Variants in NAALADL2 observed in about 807,000 individuals in gnomAD.
NAALADL2 encodes the protein inactive N-acetylated-alpha-linked acidic dipeptidase-like protein 2.
A neutral mutation model predicts 87.2 loss-of-function variants in NAALADL2; 76 were observed. The ratio of observed to expected loss-of-function variants is 0.87; its 90% CI spans 0.72 to 1.05. The LOEUF is 1.05. NAALADL2 is among the 50% of genes least tolerant of loss of function. NAALADL2 has a pLI of 0.00. For missense variants in NAALADL2, 1,089 were observed against 945.8 expected (o/e 1.15, Z -1.99); for synonymous variants, 354 against 331.0 (o/e 1.07, Z -0.75).
At chr3:175,409,253 G>C (rs1713005407) in intron 5 of NAALADL2, among the ~76,000 whole-genome samples, 1 of 150,798 alleles carries the variant, frequency 6.6e-6, no homozygotes. Flanking sequence ...AAAGTCATTA[G>C]AGATTCTCTT....
At chr3:175,111,405 T>A (rs2108497289) in intron 2 of NAALADL2, among the ~76,000 whole-genome samples, 1 of 151,710 alleles carries the variant, frequency 6.6e-6, no homozygotes, top group Non-Finnish European at 1.5e-5. Context: ...TTAATATAAC[T>A]CTGTCATAGG....
chr3:174,985,723 C>G (rs1161782409), intron 1 of NAALADL2, among the ~76,000 whole-genome samples: 1 of 152,050 alleles, frequency 6.6e-6, no homozygotes, highest in African/African-American at 2.4e-5. Flanking sequence ...GAGTCTGAGG[C>G]GGGATGGTCA....
chr3:175,076,284 A>G (rs1168774682), intron 1 of NAALADL2, among the ~76,000 whole-genome samples: 1 of 150,586 alleles, frequency 6.6e-6, no homozygotes, highest in Non-Finnish European at 1.5e-5. Context: ...TGTGAAAGAC[A>G]TGTTGGGTCT....
Position 175,576,107 on chromosome 3 carries a change from C to T in NAALADL2, c.1720C>T (p.Gln574Ter), listed in dbSNP as rs1211948928. ...AACCAATATCAGTTCTATACAGATA[C>T]AAGGTGATGCTGATTATTTCATCAA... ...PETNISSIQI[Q>*]GDADYFINHL... The change falls in exon 10 of 14, where the codon CAA (glutamine) becomes TAA (stop). Residue 574 changes from glutamine (Q) to a stop codon, truncating the protein, a stop_gained. Transcript: ENST00000454872. LOFTEE classifies it high-confidence loss of function. The T allele has an allele frequency of 6.2e-7, 1 of 1,612,774 alleles. No individual in the cohort carries two copies. Among genetic ancestry groups the T allele is most frequent in the Admixed American group, 1.7e-5 (1 of 60,008 alleles).
intron 1 of NAALADL2, among the ~76,000 whole-genome samples, chr3:174,993,788 C>T (rs1322282212): frequency 6.6e-6 from 1 of 152,142 alleles, no homozygotes; most frequent in African/African-American, 2.4e-5. Flanking sequence ...CTGTCACAGT[C>T]CTTCAGGATA....
chr3:174,886,460 C>A (rs147019722), intron 1 of NAALADL2, among the ~76,000 whole-genome samples: 1 of 152,270 alleles, frequency 6.6e-6, no homozygotes, highest in African/African-American at 2.4e-5. Context: ...CAGACACACC[C>A]ATGAACAATA....
chr3:175,743,231 C>T (rs1745486679), intron 12 of NAALADL2, among the ~76,000 whole-genome samples: 1 of 151,758 alleles, frequency 6.6e-6, no homozygotes, highest in Non-Finnish European at 1.5e-5. Context: ...GAACTCCTGA[C>T]CTTAGGTGAT....
At chr3:175,021,223 C>A (rs960547075) in intron 1 of NAALADL2, among the ~76,000 whole-genome samples, 6 of 152,028 alleles carry the variant, frequency 3.9e-5, no homozygotes, top group African/African-American at 1.4e-4. Flanking sequence ...TTTGTCCATT[C>A]ATTTCTTGTC....
In NAALADL2 at chr3:174,581,476, A is replaced by G. The variant is rs531219920; in HGVS notation, c.-115+30839A>G. Among the ~76,000 whole-genome samples the G allele has an allele frequency of 1.2e-4, 19 of 152,302 alleles. No individual in the cohort carries two copies. In the East Asian group the frequency reaches 3.7e-3, roughly 29 times the overall value. On this transcript the variant is annotated intron_variant, in intron 2 of 3. Transcript: ENST00000434257. ...GTTCAAGAGCATGCCATTTTCTAAA[A>G]AAAAGTGCAAGCAACTTATTATCAC...
intron 2 of NAALADL2, among the ~76,000 whole-genome samples, chr3:175,208,806 T>C (rs1741344121): frequency 6.6e-6 from 1 of 152,186 alleles, no homozygotes; most frequent in South Asian, 2.1e-4. Context: ...TAATATTATT[T>C]AAAGAATAAC....
At chr3:174,559,150 C>T (rs1023435233) in intron 2 of NAALADL2, among the ~76,000 whole-genome samples, 6 of 152,066 alleles carry the variant, frequency 3.9e-5, no homozygotes, top group Non-Finnish European at 7.4e-5. Context: ...GTGTATTTCA[C>T]GGTGAGCAGG....
chr3:174,818,725 T>C (rs1253820673), intron 3 of NAALADL2, among the ~76,000 whole-genome samples: 1 of 152,120 alleles, frequency 6.6e-6, no homozygotes, highest in Non-Finnish European at 1.5e-5. Flanking sequence ...GAAATTCCCA[T>C]TGATAGTGCA....
At chr3:175,769,738 GTCTGTGTGTATGTC>G (rs1055535192) in intron 13 of NAALADL2, among the ~76,000 whole-genome samples, 1 of 151,700 alleles carries the variant, frequency 6.6e-6, no homozygotes. Flanking sequence ...GTGTGTGTGT[GTCTGTGTGTATGTC>G]TCTGTGTGTG....
At chr3:175,178,547 C>T (rs1316567658) in intron 2 of NAALADL2, among the ~76,000 whole-genome samples, 1 of 151,994 alleles carries the variant, frequency 6.6e-6, no homozygotes, top group African/African-American at 2.4e-5. Context: ...ACAGCCAGGA[C>T]ACTCACAAGA....
upstream of NAALADL2, among the ~76,000 whole-genome samples, chr3:174,858,212 A>G (rs1227014078): frequency 6.7e-6 from 1 of 148,624 alleles, no homozygotes; most frequent in Non-Finnish European, 1.5e-5. Flanking sequence ...ATATATGAAT[A>G]TGAATATATA....
Position 175,097,068 on chromosome 3 carries a change from AC to A in NAALADL2, c.325del (p.His109IlefsTer18), listed in dbSNP as rs1471887949. 5 of 1,613,620 alleles carry A rather than the reference AC, an allele frequency of 3.1e-6. No individual in the cohort carries two copies. The Admixed American group carries it at 6.7e-5, about 22-fold the overall frequency. On this transcript the variant is annotated frameshift_variant, in exon 2 of 14. Coordinates refer to ENST00000454872, the MANE Select transcript of NAALADL2 (RefSeq NM_207015.3). LOFTEE classifies it high-confidence loss of function. The stretch of plus-strand genomic sequence containing the variant: ...ACTTCAAGAAGAATCTGACTACATT[AC>A]CCATTATACACGATCTGCACCAAAG... ...QRLQEESDYI[T>X]HYTRSAPKSN... is the part of the protein sequence containing the mutation.
intron 5 of NAALADL2, among the ~76,000 whole-genome samples, chr3:175,370,502 G>C (rs1053022629): frequency 3.9e-5 from 6 of 152,026 alleles, no homozygotes; most frequent in Non-Finnish European, 8.8e-5. Flanking sequence ...CAATATATGG[G>C]GGGGGGAGGG....
intron 3 of NAALADL2, among the ~76,000 whole-genome samples, chr3:174,822,155 C>T (rs1439501950): frequency 2.8e-5 from 3 of 108,080 alleles, no homozygotes; most frequent in African/African-American, 1.4e-4. Context: ...TTCTCAGTGA[C>T]ACAAACACAC....
intron 1 of NAALADL2, among the ~76,000 whole-genome samples, chr3:175,034,901 A>G (rs115585082): frequency 1.8e-4 from 27 of 152,278 alleles, no homozygotes; most frequent in African/African-American, 6.3e-4. Flanking sequence ...TATCTTTTAT[A>G]TATTTCTTTA....
Sources: allele counts gnomAD v4.1 joint callset (sites outside exome capture counted in the v4.1 genomes callset), GRCh38; gene constraint gnomAD v4.1.1; transcripts MANE v1.5; gene names NCBI Gene and HGNC (gene_info 2026-07-23, HGNC 2026-07-21).